TLL1: variants seen among roughly 807,000 people sequenced by gnomAD.
TLL1 encodes tolloid like 1.
Under a neutral mutation model 128.2 loss-of-function variants are expected in TLL1, and 49 were observed. That is an observed-to-expected ratio of 0.38 (90% CI 0.30 to 0.48). The LOEUF (loss-of-function observed/expected upper bound fraction) is 0.48, where lower values mean the gene tolerates loss of function less well. Ranked by LOEUF, TLL1 falls within the 20% of genes least tolerant of loss-of-function variation. The pLI is 0.96. For missense variants in TLL1, 1,123 were observed against 1,242.0 expected (o/e 0.90, Z 1.44); for synonymous variants, 454 against 418.8 (o/e 1.08, Z -1.03).
chr4:165,885,293 C>T (rs1474109316), intron 1 of TLL1, among the ~76,000 whole-genome samples: 2 of 152,060 alleles, frequency 1.3e-5, no homozygotes, highest in African/African-American at 2.4e-5. Flanking sequence ...CTAAAGCAAT[C>T]TGAATCCTGG....
At chr4:165,971,640 C>G (rs890679716) in intron 1 of TLL1, among the ~76,000 whole-genome samples, 3 of 152,132 alleles carry the variant, frequency 2.0e-5, no homozygotes, top group African/African-American at 7.2e-5. Flanking sequence ...GGATGAGAAG[C>G]CCAAATTTCT....
intron 1 of TLL1, among the ~76,000 whole-genome samples, chr4:165,876,317 A>C (rs1730719929): frequency 6.8e-6 from 1 of 147,410 alleles, no homozygotes; most frequent in Non-Finnish European, 1.5e-5. Flanking sequence ...GAAATACTAC[A>C]TTGAAATCCC....
chr4:166,101,444 A>T lies in TLL1; in HGVS notation c.*568A>T, dbSNP rs979523112. The stretch of plus-strand genomic sequence containing the variant: ...GAAACTGGGATATTTCAGCTTCATT[A>T]TTTCCACTTGCAGGCCAGCTTAACC... On this transcript the variant is annotated 3_prime_UTR_variant, in exon 21 of 21. Coordinates refer to ENST00000061240, the MANE Select transcript of TLL1 (RefSeq NM_012464.5). 8 of 155,564 alleles carry T rather than the reference A, an allele frequency of 5.1e-5. No individual in the cohort carries two copies. The highest frequency in any genetic ancestry group is 1.9e-4 in the African/African-American group (8 of 41,444). 9.6% of individuals were successfully genotyped at this position (155,564 alleles called of 1,614,324 possible).
chr4:166,001,667 C>A (rs1208679312), intron 5 of TLL1, among the ~76,000 whole-genome samples: 2 of 151,682 alleles, frequency 1.3e-5, no homozygotes, highest in Admixed American at 6.6e-5. Flanking sequence ...GGCATGGTGG[C>A]AGGTGAATGT....
intron 1 of TLL1, among the ~76,000 whole-genome samples, chr4:165,920,631 G>A (rs540302169): frequency 9.2e-5 from 14 of 152,226 alleles, no homozygotes; most frequent in African/African-American, 2.9e-4. Context: ...ATTAAAAACC[G>A]AGATAGGTGA....
At chr4:165,936,825 C>T (rs1161405128) in intron 1 of TLL1, among the ~76,000 whole-genome samples, 7 of 151,948 alleles carry the variant, frequency 4.6e-5, no homozygotes, top group Admixed American at 1.3e-4. Flanking sequence ...CCCAGCTACT[C>T]GGGAGGCTGA....
At chr4:166,083,828 G>C (rs1422422090) in intron 18 of TLL1, among the ~76,000 whole-genome samples, 3 of 152,144 alleles carry the variant, frequency 2.0e-5, no homozygotes, top group African/African-American at 7.2e-5. Context: ...TGGCTATTGT[G>C]AATAGTGCTG....
intron 17 of TLL1, among the ~76,000 whole-genome samples, chr4:166,077,171 T>C (rs781738708): frequency 1.3e-5 from 2 of 152,054 alleles, no homozygotes; most frequent in Non-Finnish European, 2.9e-5. Context: ...TAAATGTTTT[T>C]GAAATTTAAC....
rs190757918 is a variant in TLL1, at chr4:166,079,251, T to A, written c.2442+1221T>A. ...ATAGAGGCTGCATTCTTTTAAGGCG[T>A]TCATTTTCTTAAGAGAGTTGGAAAA... On this transcript the variant is annotated intron_variant, in intron 18 of 20. Coordinates refer to ENST00000061240, the MANE Select transcript of TLL1 (RefSeq NM_012464.5). 1.5e-3 allele frequency among the ~76,000 whole-genome samples: 233 copies of A among 152,298 alleles called. 1 individual carries two copies. The highest frequency in any genetic ancestry group is 5.3e-3 in the African/African-American group (220 of 41,572).
At chr4:165,942,634 ATATT>A (rs1475000482) in intron 1 of TLL1, among the ~76,000 whole-genome samples, 8 of 149,350 alleles carry the variant, frequency 5.4e-5, no homozygotes, top group Non-Finnish European at 1.2e-4. Context: ...TATACTATAT[ATATT>A]AATTATAAGC....
At position 165,873,772 on chromosome 4, in the gene TLL1, G is replaced by A; in HGVS notation, c.-133G>A. On this transcript the variant is annotated 5_prime_UTR_variant, in exon 1 of 21. It removes the in-frame stop codon of an upstream open reading frame in the 5' UTR. Transcript: ENST00000061240. ...GGCATCCACATGTTTCCGGACACCT[G>A]AGCACCCCGGTCCCGCCGAGGAGCC... The A allele has an allele frequency of 1.1e-6, 1 of 936,450 alleles. No individual in the cohort carries two copies. Among genetic ancestry groups the A allele is most frequent in the Non-Finnish European group, 1.7e-6 (1 of 600,382 alleles). 58.0% of individuals were successfully genotyped at this position (936,450 alleles called of 1,614,324 possible).
At chr4:166,081,015 T>C (rs1452654397) in intron 18 of TLL1, among the ~76,000 whole-genome samples, 1 of 152,132 alleles carries the variant, frequency 6.6e-6, no homozygotes. Context: ...AGGCAGGCCC[T>C]GCATGTTCAG....
At chr4:165,891,202 G>C (rs1336383882) in intron 1 of TLL1, among the ~76,000 whole-genome samples, 3 of 152,150 alleles carry the variant, frequency 2.0e-5, no homozygotes, top group African/African-American at 7.2e-5. Context: ...CTTCTGGCTT[G>C]TGATGGGAGG....
At chr4:166,002,665 A>G (rs780903383) in intron 5 of TLL1, among the ~76,000 whole-genome samples, 15 of 152,040 alleles carry the variant, frequency 9.9e-5, no homozygotes, top group Non-Finnish European at 2.1e-4. Context: ...GGCTGGTCTC[A>G]AACTCCCGAC....
intron 15 of TLL1, among the ~76,000 whole-genome samples, chr4:166,063,863 G>T (rs1207774205): frequency 1.3e-5 from 2 of 152,076 alleles, no homozygotes; most frequent in Non-Finnish European, 2.9e-5. Flanking sequence ...GGGGGAGGGG[G>T]AAGGGATAGC....
chr4:165,934,109 C>T (rs1733656985), intron 1 of TLL1, among the ~76,000 whole-genome samples: 1 of 151,832 alleles, frequency 6.6e-6, no homozygotes. Flanking sequence ...AGTGATTCTC[C>T]TGCCTCAGCC....
intron 1 of TLL1, among the ~76,000 whole-genome samples, chr4:165,878,661 C>T (rs1254726117): frequency 1.3e-5 from 2 of 151,990 alleles, no homozygotes; most frequent in East Asian, 1.9e-4. Context: ...TACATAGTCT[C>T]CTGAGAGCCT....
chr4:165,938,365 G>A (rs1410509475), intron 1 of TLL1, among the ~76,000 whole-genome samples: 3 of 152,070 alleles, frequency 2.0e-5, no homozygotes, highest in Non-Finnish European at 4.4e-5. Flanking sequence ...TCAAACAGGT[G>A]CCTTAGTGCA....
intron 5 of TLL1, among the ~76,000 whole-genome samples, chr4:166,000,324 G>T (rs1737089655): frequency 6.6e-6 from 1 of 152,136 alleles, no homozygotes; most frequent in African/African-American, 2.4e-5. Context: ...CTTAATCTGA[G>T]AGTCTAGAAT....
Sources: allele counts gnomAD v4.1 joint callset (sites outside exome capture counted in the v4.1 genomes callset), GRCh38; gene constraint gnomAD v4.1.1; transcripts MANE v1.5; gene names NCBI Gene and HGNC (gene_info 2026-07-23, HGNC 2026-07-21).